Variants in EDAR observed in about 807,000 individuals in gnomAD.
The protein encoded by EDAR is ectodysplasin A receptor.
A neutral mutation model predicts 51.3 loss-of-function variants in EDAR; 38 were observed. That is an observed-to-expected ratio of 0.74 (90% CI 0.57 to 0.97). EDAR has a LOEUF of 0.97. Among genes scored for constraint, EDAR ranks in the 50% least tolerant of loss-of-function variants. EDAR has a pLI of 0.00. For missense variants in EDAR, 528 were observed against 595.0 expected, an observed-to-expected ratio of 0.89 and a Z score of 1.17; for synonymous variants, 227 against 242.1, an observed-to-expected ratio of 0.94 and a Z score of 0.58.
At position 108,932,253 on chromosome 2, in the gene EDAR, G is replaced by A. The variant is rs1355189607; in HGVS notation, c.-18-1221C>T. 2.6e-5 allele frequency among the ~76,000 whole-genome samples: 4 copies of A among 152,138 alleles called. No individual in the cohort carries two copies. In the East Asian group the frequency reaches 7.7e-4, roughly 29 times the overall value. The stretch of plus-strand genomic sequence containing the variant: ...AAATAAATTAAGTTGGAGAGGCTGA[G>A]CGCGGTGGCTCACACCTGTAATCCC... On this transcript the variant is annotated intron_variant, in intron 1 of 11. Coordinates refer to ENST00000258443, the MANE Select transcript of EDAR (RefSeq NM_022336.4).
chr2:108,963,800 T>C (rs1698098571), intron 1 of EDAR, among the ~76,000 whole-genome samples: 2 of 152,202 alleles, frequency 1.3e-5, no homozygotes, highest in African/African-American at 4.8e-5. Context: ...CTTCCATCTG[T>C]AGACTCTGCC....
chr2:108,914,157 G>A (rs968280404), intron 5 of EDAR, among the ~76,000 whole-genome samples: 11 of 152,006 alleles, frequency 7.2e-5, no homozygotes, highest in African/African-American at 2.4e-4. Context: ...CTACTTAGGA[G>A]GCTGAGGTAG....
chr2:108,928,998 T>C (rs1697310438), intron 4 of EDAR, among the ~76,000 whole-genome samples, 200 bp downstream of exon 4: 1 of 152,254 alleles, frequency 6.6e-6, no homozygotes, highest in Admixed American at 6.5e-5. Flanking sequence ...AGGCAGAGCC[T>C]GATGGGCTGC....
chr2:108,934,073 C>T (rs973507703), intron 1 of EDAR, among the ~76,000 whole-genome samples: 2 of 152,124 alleles, frequency 1.3e-5, no homozygotes, highest in South Asian at 2.1e-4. Context: ...CTGGGCCTGC[C>T]GCACCTTAGT....
chr2:108,972,316 A>G (rs1378860196), intron 1 of EDAR, among the ~76,000 whole-genome samples: 1 of 152,248 alleles, frequency 6.6e-6, no homozygotes, highest in Admixed American at 6.5e-5. Flanking sequence ...AGTTCTCGAC[A>G]AGCTTAGGAT....
chr2:108,907,204 TTG>T (rs142148891), intron 10 of EDAR, among the ~76,000 whole-genome samples: 4 of 152,038 alleles, frequency 2.6e-5, no homozygotes, highest in Non-Finnish European at 4.4e-5. Flanking sequence ...AAGAAAAACG[TTG>T]TGTGTGTGTG....
At chr2:108,907,759 C>T (rs1696838718) in intron 10 of EDAR, 101 bp downstream of exon 10, 3 of 1,388,430 alleles carry the variant, frequency 2.2e-6, no homozygotes, top group Admixed American at 1.7e-5. Context: ...GGGAGAAACA[C>T]CCCGTCTTGC....
chr2:108,976,472 T>C (rs1164418222), intron 1 of EDAR, among the ~76,000 whole-genome samples: 2 of 152,152 alleles, frequency 1.3e-5, no homozygotes, highest in African/African-American at 4.8e-5. Context: ...CACTCTGAAG[T>C]GACTCCTTCC....
intron 10 of EDAR, 136 bp from the exon 11 acceptor site, chr2:108,906,504 G>A: frequency 1.1e-6 from 1 of 900,024 alleles, no homozygotes; most frequent in African/African-American, 1.6e-5. Flanking sequence ...CGTGTCAGCA[G>A]CCCAGCCCTG....
Position 108,923,357 on chromosome 2 carries a change from A to G in EDAR, c.442+11T>C. The G allele has an allele frequency of 6.2e-7, 1 of 1,613,612 alleles. No homozygotes were observed. The highest frequency in any genetic ancestry group is 8.5e-7 in the Non-Finnish European group (1 of 1,179,470). On this transcript the variant is annotated intron_variant, in intron 5 of 11. Transcript: ENST00000258443. ...CAAATACCGTGCTGGTGGAAGGACA[A>G]AGACACTCACATTCCTTGGTGTTGG...
rs769569919 is a variant in EDAR, at chr2:108,910,507, C to A, written c.756G>T (p.Lys252Asn). The A allele has an allele frequency of 1.2e-6, 2 of 1,613,912 alleles. No individual in the cohort carries two copies. The highest frequency in any genetic ancestry group is 1.7e-6 in the Non-Finnish European group (2 of 1,179,910). The change falls in exon 9 of 12, where the codon AAG becomes AAT. Residue 252 changes from lysine to asparagine, a missense_variant. Transcript: ENST00000258443. Reference protein sequence around the residue: ...APDNVVMFSEKDEFEKLTATP... With the variant: ...APDNVVMFSENDEFEKLTATP... ...TTGCTGTCAGCTTCTCAAATTCATC[C>A]TTCTCGGAGAACATCACCACGTTGT...
chr2:108,896,657 G>A lies in EDAR; in HGVS notation c.*250C>T, dbSNP rs1696598651. The stretch of plus-strand genomic sequence containing the variant: ...TGGTGGGCTGGTGGGCTGGCTGTAT[G>A]AGTGAGTAGATATTTACTCTGCCTG... On this transcript the variant is annotated 3_prime_UTR_variant, in exon 12 of 12. Coordinates refer to ENST00000258443, the MANE Select transcript of EDAR (RefSeq NM_022336.4). 1 of 525,680 alleles carries A rather than the reference G, an allele frequency of 1.9e-6. No homozygotes were observed. Among genetic ancestry groups the A allele is most frequent in the Admixed American group, 3.2e-5 (1 of 31,606 alleles). 32.6% of individuals were successfully genotyped at this position (525,680 alleles called of 1,614,324 possible).
chr2:108,906,446 G>A, intron 10 of EDAR, 78 bp from the exon 11 acceptor site: 1 of 1,499,114 alleles, frequency 6.7e-7, no homozygotes, highest in Non-Finnish European at 9.3e-7. Context: ...ATGTCAGCAG[G>A]GGCAGGCAGC....
intron 1 of EDAR, among the ~76,000 whole-genome samples, chr2:108,959,695 T>G (rs1698000664): frequency 6.6e-6 from 1 of 152,124 alleles, no homozygotes; most frequent in Admixed American, 6.5e-5. Flanking sequence ...GCTGGGGCCG[T>G]GGGCAGTGGA....
intron 5 of EDAR, among the ~76,000 whole-genome samples, chr2:108,917,066 G>A (rs1005581851): frequency 5.3e-5 from 8 of 152,214 alleles, no homozygotes; most frequent in African/African-American, 1.9e-4. Flanking sequence ...GCAGAAGGGA[G>A]AGGAGCAAAG....
At position 108,929,303 on chromosome 2, in the gene EDAR, T is replaced by C. The variant is rs1156817759; in HGVS notation, c.251A>G (p.Tyr84Cys). The change falls in exon 4 of 12, where the codon TAC (tyrosine) becomes TGC (cysteine). Residue 84 changes from tyrosine (Y) to cysteine (C), a missense_variant. Physicochemically the swap from Tyr to Cys is radical, Grantham distance 194. Coordinates refer to ENST00000258443, the MANE Select transcript of EDAR (RefSeq NM_022336.4). ...GTCTTTGTGACGCCTGCATATCTGG[T>C]AGCCTCCTTTGGAAAACTTCTCCGC... is the stretch of plus-strand genomic sequence containing the variant. The part of the protein sequence containing the change: ...CPAEKFSKGG[Y>C]QICRRHKDCE... 1 of 1,614,144 alleles carries C rather than the reference T, an allele frequency of 6.2e-7. No individual in the cohort carries two copies. Among genetic ancestry groups the C allele is most frequent in the Non-Finnish European group, 8.5e-7 (1 of 1,180,028 alleles).
At chr2:108,911,176 C>G in intron 6 of EDAR, 104 bp from the exon 7 acceptor site, 1 of 1,412,646 alleles carries the variant, frequency 7.1e-7, no homozygotes, top group Non-Finnish European at 1.0e-6. Flanking sequence ...CCCTGGGATG[C>G]TTTCAGGGAA....
chr2:108,930,724 C>T (rs545663710), intron 2 of EDAR, among the ~76,000 whole-genome samples: 7 of 152,258 alleles, frequency 4.6e-5, no homozygotes, highest in Non-Finnish European at 8.8e-5. Context: ...CACAAACAAG[C>T]AATCAAGAAC....
chr2:108,907,814 G>T, intron 10 of EDAR, 46 bp downstream of exon 10: 1 of 1,610,156 alleles, frequency 6.2e-7, no homozygotes, highest in South Asian at 1.1e-5. Flanking sequence ...GCGGCTGTGA[G>T]GGAGCCACAT....
Sources: gnomAD v4.1 joint callset for allele counts (sites outside exome capture counted in the v4.1 genomes callset) on GRCh38, gnomAD v4.1.1 for gene constraint, MANE v1.5 for transcripts, NCBI Gene and HGNC (gene_info 2026-07-23, HGNC 2026-07-21) for gene names.